The following SORBS2 variants were observed in gnomAD, a reference collection of about 807,000 sequenced individuals.
SORBS2 encodes the protein sorbin and SH3 domain-containing protein 2.
A neutral mutation model predicts 97.7 loss-of-function variants in SORBS2; 46 were observed. The ratio of observed to expected loss-of-function variants is 0.47; its 90% CI spans 0.37 to 0.60. The LOEUF (loss-of-function observed/expected upper bound fraction) is 0.60. Ranked by LOEUF, SORBS2 falls within the 20% of genes least tolerant of loss-of-function variation. The pLI is 0.00. For missense variants in SORBS2, 1,316 were observed against 1,282.3 expected (o/e 1.03, Z -0.40); for synonymous variants, 476 against 473.4 (o/e 1.01, Z -0.07).
intron 1 of SORBS2, among the ~76,000 whole-genome samples, chr4:185,924,320 A>C (rs1014288566): frequency 1.3e-5 from 2 of 152,210 alleles, no homozygotes; most frequent in Non-Finnish European, 2.9e-5. Flanking sequence ...GGGAAGCAAA[A>C]GTTCACCGTG....
chr4:185,769,157 T>C (rs2098954952), intron 2 of SORBS2, among the ~76,000 whole-genome samples: 1 of 152,196 alleles, frequency 6.6e-6, no homozygotes, highest in Non-Finnish European at 1.5e-5. Flanking sequence ...CATTTTGGAT[T>C]TCAGATTTTT....
intron 13 of SORBS2, 32 bp from the exon 26 acceptor site, chr4:185,589,817 C>T: frequency 9.1e-7 from 1 of 1,097,990 alleles, no homozygotes. Context: ...TGTTTAAAAA[C>T]ATCTTGACAC....
At chr4:185,928,690 C>T (rs555449060) in intron 1 of SORBS2, among the ~76,000 whole-genome samples, 9 of 152,032 alleles carry the variant, frequency 5.9e-5, no homozygotes, top group African/African-American at 1.9e-4. Flanking sequence ...GGACTACAGG[C>T]GCCTGCCACC....
intron 1 of SORBS2, among the ~76,000 whole-genome samples, chr4:185,799,871 A>G (rs2099122291): frequency 6.6e-6 from 1 of 152,164 alleles, no homozygotes; most frequent in Admixed American, 6.5e-5. Context: ...TCGGCTTTCT[A>G]AACCAGAACT....
chr4:185,927,016 G>A (rs10023484), intron 1 of SORBS2, among the ~76,000 whole-genome samples: 42,132 of 151,230 alleles, frequency 0.28, 6,175 homozygotes, highest in South Asian at 0.34. Context: ...GAACTGCCAT[G>A]CTATTATAAA....
At chr4:185,919,395 G>A (rs1033158264) in intron 1 of SORBS2, 2 of 152,162 alleles carry the variant, frequency 1.3e-5, no homozygotes, top group African/African-American at 2.4e-5. Context: ...GATGAACATA[G>A]ATTCAAGTCT....
chr4:185,830,445 A>C (rs976914976), intron 1 of SORBS2, among the ~76,000 whole-genome samples: 4 of 152,226 alleles, frequency 2.6e-5, no homozygotes, highest in African/African-American at 9.7e-5. Flanking sequence ...TGCAAATAGA[A>C]AATGGTTATG....
chr4:185,945,394 C>T (rs1237452933), intron 1 of SORBS2, among the ~76,000 whole-genome samples: 2 of 152,138 alleles, frequency 1.3e-5, no homozygotes, highest in Admixed American at 6.5e-5. Flanking sequence ...TTAGCTATGT[C>T]TTTAAATTTT....
At chr4:185,730,204 T>C (rs1224906190) in intron 2 of SORBS2, among the ~76,000 whole-genome samples, 1 of 152,132 alleles carries the variant, frequency 6.6e-6, no homozygotes, top group Non-Finnish European at 1.5e-5. Context: ...TCAAAGAATG[T>C]TTTAATGATA....
intron 4 of SORBS2, among the ~76,000 whole-genome samples, chr4:185,670,810 C>T (rs114454843): frequency 8.0e-4 from 122 of 152,186 alleles, no homozygotes; most frequent in African/African-American, 2.9e-3. Context: ...TGTCTGTTGC[C>T]GGATCATCAT....
In SORBS2 at chr4:185,850,256, T is replaced by A. The variant is rs576866563; in HGVS notation, c.-337-74890A>T. The stretch of plus-strand genomic sequence containing the variant: ...GGATGTACAATTGGTAATGACTGAG[T>A]TGGGAAAAACACACAACTCCCTGAA... On this transcript the variant is annotated intron_variant, in intron 1 of 20. Coordinates refer to the SORBS2 transcript ENST00000284776. 7.2e-5 allele frequency among the ~76,000 whole-genome samples: 11 copies of A among 152,206 alleles called. No individual in the cohort carries two copies. The South Asian group carries it at 2.3e-3, about 32-fold the overall frequency.
chr4:185,780,487 G>T (rs573136949), intron 1 of SORBS2, among the ~76,000 whole-genome samples: 1 of 152,086 alleles, frequency 6.6e-6, no homozygotes, highest in Admixed American at 6.5e-5. Context: ...TGCATGCATC[G>T]GGCTGGAAAC....
chr4:185,715,624 A>C (rs1334948735), intron 2 of SORBS2, among the ~76,000 whole-genome samples: 2 of 152,294 alleles, frequency 1.3e-5, no homozygotes, highest in Non-Finnish European at 1.5e-5. Flanking sequence ...TTTTTGATAG[A>C]AATAGATTAA....
chr4:185,806,520 G>C (rs529775935), intron 1 of SORBS2, among the ~76,000 whole-genome samples: 1,907 of 137,916 alleles, frequency 0.014, 51 homozygotes, highest in African/African-American at 0.048. Flanking sequence ...TGCAGTGGCG[G>C]GATCTCGGCT....
intron 2 of SORBS2, among the ~76,000 whole-genome samples, chr4:185,763,146 G>A (rs1180298225): frequency 4.6e-5 from 7 of 151,918 alleles, no homozygotes; most frequent in African/African-American, 7.3e-5. Flanking sequence ...CCGAGATTGC[G>A]CCACTGCACT....
At chr4:185,833,624 T>G (rs1190826490) in intron 1 of SORBS2, among the ~76,000 whole-genome samples, 4 of 152,242 alleles carry the variant, frequency 2.6e-5, no homozygotes, top group Non-Finnish European at 5.9e-5. Flanking sequence ...ATTACATAAC[T>G]ATGGGATTCA....
chr4:185,886,866 C>T (rs1361335379), intron 1 of SORBS2, among the ~76,000 whole-genome samples: 2 of 152,122 alleles, frequency 1.3e-5, no homozygotes, highest in Admixed American at 6.5e-5. Context: ...GGCTTTGAAG[C>T]GATTTGTTTG....
intron 1 of SORBS2, among the ~76,000 whole-genome samples, chr4:185,801,050 C>T (rs990634952): frequency 2.0e-5 from 3 of 152,276 alleles, no homozygotes; most frequent in South Asian, 2.1e-4. Context: ...TTTCCTCCCC[C>T]CACCAATTCC....
chr4:185,922,086 A>T (rs1008710196), intron 1 of SORBS2, among the ~76,000 whole-genome samples: 4 of 152,210 alleles, frequency 2.6e-5, no homozygotes, highest in Admixed American at 6.5e-5. Flanking sequence ...ATTTATTTAC[A>T]CTTGCCACAG....
Sources: allele counts gnomAD v4.1 joint callset (sites outside exome capture counted in the v4.1 genomes callset), GRCh38; gene constraint gnomAD v4.1.1; transcripts MANE v1.5; gene names NCBI Gene and HGNC (gene_info 2026-07-23, HGNC 2026-07-21).